Variants in TSPAN5 observed in about 807,000 individuals in gnomAD.
TSPAN5 encodes the protein tetraspanin 5.
A neutral mutation model predicts 37.1 loss-of-function variants in TSPAN5; 10 were observed. The ratio of observed to expected loss-of-function variants is 0.27; its 90% CI spans 0.17 to 0.46. The LOEUF (loss-of-function observed/expected upper bound fraction) is 0.46, where lower values mean the gene tolerates loss of function less well. Among genes scored for constraint, TSPAN5 ranks in the 20% least tolerant of loss-of-function variants. The pLI is 1.00. For missense variants in TSPAN5, 195 were observed against 326.6 expected, an observed-to-expected ratio of 0.60 and a Z score of 3.11; for synonymous variants, 110 against 118.9, an observed-to-expected ratio of 0.93 and a Z score of 0.48.
intron 1 of TSPAN5, among the ~76,000 whole-genome samples, chr4:98,603,421 AG>A (rs1755930015): frequency 6.6e-6 from 1 of 152,224 alleles, no homozygotes; most frequent in Non-Finnish European, 1.5e-5. Flanking sequence ...CAAGTATAAA[AG>A]CAATTTTGCT....
chr4:98,480,313 T>C (rs1192174283), intron 4 of TSPAN5, among the ~76,000 whole-genome samples: 1 of 152,194 alleles, frequency 6.6e-6, no homozygotes, highest in East Asian at 1.9e-4. Context: ...ATTTTAGAGG[T>C]TAACTTTTCA....
At chr4:98,496,177 G>A (rs1053151669) in intron 2 of TSPAN5, among the ~76,000 whole-genome samples, 3 of 152,156 alleles carry the variant, frequency 2.0e-5, no homozygotes, top group Non-Finnish European at 2.9e-5. Flanking sequence ...TAGAAATGTG[G>A]TTCTAAACAG....
chr4:98,524,973 A>G (rs935614706), intron 1 of TSPAN5, among the ~76,000 whole-genome samples: 1 of 152,176 alleles, frequency 6.6e-6, no homozygotes, highest in African/African-American at 2.4e-5. Flanking sequence ...TTGTCCCAAG[A>G]GAGATGTTTC....
At chr4:98,537,445 G>T (rs1441865267) in intron 1 of TSPAN5, among the ~76,000 whole-genome samples, 1 of 152,210 alleles carries the variant, frequency 6.6e-6, no homozygotes, top group African/African-American at 2.4e-5. Flanking sequence ...CGGCCATCTT[G>T]CCAGCCAGAA....
At chr4:98,603,574 A>G (rs1755934683) in intron 1 of TSPAN5, among the ~76,000 whole-genome samples, 1 of 152,164 alleles carries the variant, frequency 6.6e-6, no homozygotes, top group Non-Finnish European at 1.5e-5. Flanking sequence ...TGCTATCTCA[A>G]TTCATGGGAA....
chr4:98,515,224 T>C (rs1753702288), intron 1 of TSPAN5, among the ~76,000 whole-genome samples: 1 of 152,076 alleles, frequency 6.6e-6, no homozygotes, highest in African/African-American at 2.4e-5. Context: ...AGACAAAGAA[T>C]CACTGGAGGG....
At chr4:98,563,289 A>G (rs1216947338) in intron 1 of TSPAN5, among the ~76,000 whole-genome samples, 1 of 152,044 alleles carries the variant, frequency 6.6e-6, no homozygotes, top group Non-Finnish European at 1.5e-5. Context: ...AGAGGGGCAA[A>G]TCTACTTCAT....
chr4:98,604,545 T>C (rs773575808), intron 1 of TSPAN5, among the ~76,000 whole-genome samples: 2 of 152,252 alleles, frequency 1.3e-5, no homozygotes, highest in Non-Finnish European at 2.9e-5. Flanking sequence ...GCAAAGACTA[T>C]GAAGTAATGT....
At chr4:98,652,562 CA>C (rs755475037) in intron 1 of TSPAN5, among the ~76,000 whole-genome samples, 3 of 152,110 alleles carry the variant, frequency 2.0e-5, no homozygotes, top group Non-Finnish European at 4.4e-5. Flanking sequence ...AATAAGTCTC[CA>C]CCCAAAAAGC....
intron 2 of TSPAN5, among the ~76,000 whole-genome samples, chr4:98,500,968 T>C (rs1008105453): frequency 3.3e-5 from 5 of 152,150 alleles, no homozygotes; most frequent in Non-Finnish European, 5.9e-5. Context: ...GAAAGGCATT[T>C]TCCCTCCTCT....
intron 2 of TSPAN5, among the ~76,000 whole-genome samples, chr4:98,503,157 A>C (rs776408252): frequency 1.3e-5 from 2 of 152,100 alleles, no homozygotes; most frequent in Non-Finnish European, 2.9e-5. Flanking sequence ...TATGAAAATC[A>C]GCCATAGGTG....
At chr4:98,641,370 T>C (rs1028301386) in intron 1 of TSPAN5, among the ~76,000 whole-genome samples, 1 of 152,202 alleles carries the variant, frequency 6.6e-6, no homozygotes, top group Non-Finnish European at 1.5e-5. Context: ...ATAATGCCTA[T>C]GCCATCAAGC....
chr4:98,490,132 C>T (rs962891368), intron 2 of TSPAN5, among the ~76,000 whole-genome samples: 3 of 152,114 alleles, frequency 2.0e-5, no homozygotes, highest in South Asian at 4.1e-4. Context: ...TTTTTAGTTG[C>T]GGCTCACAAG....
intron 1 of TSPAN5, among the ~76,000 whole-genome samples, chr4:98,547,592 G>A (rs1467576427): frequency 6.6e-6 from 1 of 152,000 alleles, no homozygotes; most frequent in Non-Finnish European, 1.5e-5. Flanking sequence ...TTATTTAATC[G>A]CAAAGTTCAG....
At chr4:98,613,161 C>G (rs28670242) in intron 1 of TSPAN5, among the ~76,000 whole-genome samples, 2,272 of 148,622 alleles carry the variant, frequency 0.015, 43 homozygotes, top group African/African-American at 0.054. Context: ...TTTAATTCCA[C>G]GGGTGATTCA....
At chr4:98,555,062 T>C (rs4699347) in intron 1 of TSPAN5, among the ~76,000 whole-genome samples, 7,871 of 152,232 alleles carry the variant, frequency 0.052, 476 homozygotes, top group Admixed American at 0.13. Flanking sequence ...CCCTGAAATG[T>C]GAACACAAGA....
At chr4:98,547,981 C>T (rs558720683) in intron 1 of TSPAN5, among the ~76,000 whole-genome samples, 15 of 146,176 alleles carry the variant, frequency 1.0e-4, no homozygotes, top group Middle Eastern at 3.5e-3. Context: ...CACTACACTC[C>T]AGCCTGGGCG....
chr4:98,646,373 TAAA>T (rs2110284776), intron 1 of TSPAN5, among the ~76,000 whole-genome samples: 1 of 152,208 alleles, frequency 6.6e-6, no homozygotes, highest in South Asian at 2.1e-4. Context: ...CATAAAGAAC[TAAA>T]GACACTTAGT....
chr4:98,567,499 T>C (rs1214341516), intron 1 of TSPAN5, among the ~76,000 whole-genome samples: 1 of 152,208 alleles, frequency 6.6e-6, no homozygotes, highest in Non-Finnish European at 1.5e-5. Flanking sequence ...TTTTACACAA[T>C]TGGTTTTACA....
Sources: allele counts gnomAD v4.1 joint callset (sites outside exome capture counted in the v4.1 genomes callset), GRCh38; gene constraint gnomAD v4.1.1; transcripts MANE v1.5; gene names NCBI Gene and HGNC (gene_info 2026-07-23, HGNC 2026-07-21).